Variants in ADCY9 observed in about 807,000 individuals in gnomAD.
ADCY9 encodes the protein adenylate cyclase 9.
In ADCY9, 50 loss-of-function variants were observed where a neutral mutation model predicts 101.5. That is an observed-to-expected ratio of 0.49 (90% CI 0.39 to 0.62). ADCY9 has a LOEUF of 0.62. Ranked by LOEUF, ADCY9 falls within the 20% of genes least tolerant of loss-of-function variation. The probability of loss-of-function intolerance (pLI) is 0.00; values close to 1 mark genes in which losing one functional copy is unlikely to be tolerated. For synonymous variants in ADCY9, 905 were observed against 769.3 expected, an observed-to-expected ratio of 1.18 and a Z score of -2.92; for missense variants, 1,662 against 1,800.4, an observed-to-expected ratio of 0.92 and a Z score of 1.39.
chr16:3,986,500 A>G (rs2056194410), intron 6 of ADCY9, among the ~76,000 whole-genome samples: 1 of 151,766 alleles, frequency 6.6e-6, no homozygotes, highest in African/African-American at 2.4e-5. Flanking sequence ...CCCAGGCCGG[A>G]GTGCAATAGT....
chr16:4,111,088 C>T (rs997746300), intron 2 of ADCY9, among the ~76,000 whole-genome samples: 4 of 152,182 alleles, frequency 2.6e-5, no homozygotes. Flanking sequence ...ATGAAACTAC[C>T]CTTCTGCAAA....
chr16:3,981,880 G>C (rs569390067), intron 7 of ADCY9: 2 of 152,296 alleles, frequency 1.3e-5, no homozygotes, highest in African/African-American at 4.8e-5. Context: ...TGGGATTACA[G>C]GCATGAGCCA....
In ADCY9 at chr16:3,988,980, A is replaced by G. The variant is rs938382609; in HGVS notation, c.2310+14T>C. On this transcript the variant is annotated intron_variant, in intron 6 of 10. Transcript: ENST00000294016. ...CACATTCTTTAGTAAAAGCGCAAGG[A>G]GAAATGAACGCACCTCTTCCTGATA... 8.2e-6 allele frequency: 13 copies of G among 1,593,276 alleles called. No homozygotes were observed. In the African/African-American group the frequency reaches 1.7e-4, roughly 21 times the overall value.
At chr16:4,077,270 C>T (rs1200287380) in intron 2 of ADCY9, among the ~76,000 whole-genome samples, 7 of 151,694 alleles carry the variant, frequency 4.6e-5, no homozygotes, top group Non-Finnish European at 1.0e-4. Context: ...ACAGCCTTGT[C>T]CCCCCCCGAG....
chr16:3,979,346 A>G (rs970730664), intron 7 of ADCY9, 71 bp from the exon 8 acceptor site: 4 of 1,563,740 alleles, frequency 2.6e-6, no homozygotes, highest in Non-Finnish European at 3.5e-6. Flanking sequence ...GACAGGTGCG[A>G]GGCCGCAGCC....
At chr16:3,961,601 C>T (rs1459085623), downstream of ADCY9, among the ~76,000 whole-genome samples, 8 of 152,156 alleles carry the variant, frequency 5.3e-5, no homozygotes, top group East Asian at 3.8e-4. Context: ...TCATTGGCCC[C>T]GGGCTCCAGC....
chr16:3,975,737 C>A (rs925414813), intron 9 of ADCY9, among the ~76,000 whole-genome samples: 1 of 152,120 alleles, frequency 6.6e-6, no homozygotes, highest in African/African-American at 2.4e-5. Context: ...TGTAAACAGG[C>A]GGTTCTTCAA....
At chr16:4,039,847 T>C (rs1363668470) in intron 2 of ADCY9, among the ~76,000 whole-genome samples, 5 of 152,090 alleles carry the variant, frequency 3.3e-5, no homozygotes, top group African/African-American at 1.2e-4. Flanking sequence ...AAGACCAGCC[T>C]GGGTAACATA....
chr16:3,971,486 G>A (rs1476034110), intron 10 of ADCY9, among the ~76,000 whole-genome samples: 1 of 152,176 alleles, frequency 6.6e-6, no homozygotes, highest in African/African-American at 2.4e-5. Flanking sequence ...GACACCCTGT[G>A]CTTCACTGAC....
chr16:4,114,490 A>G lies in ADCY9; in HGVS notation c.953T>C (p.Met318Thr). Reference sequence around the variant, plus strand: ...TTCCACTTCCAGGTCCTTCCCGTGCATAATGGATTGCCCCACCTTGAGGAA... The same window carrying G: ...TTCCACTTCCAGGTCCTTCCCGTGCGTAATGGATTGCCCCACCTTGAGGAA... ...STFLKVGQSI[M>T]HGKDLEVEKA... is the part of the protein sequence containing the mutation. The change falls in exon 2 of 11, where the codon ATG (methionine) becomes ACG (threonine). Residue 318 changes from methionine to threonine, a missense_variant. Coordinates refer to ENST00000294016, the MANE Select transcript of ADCY9 (RefSeq NM_001116.4). This position sits in a 1 kb window ranked among gnomAD's most constrained non-coding sequence, Gnocchi z 4.3. 2 of 1,614,170 alleles carry G rather than the reference A, an allele frequency of 1.2e-6. No individual in the cohort carries two copies. Among genetic ancestry groups the G allele is most frequent in the Non-Finnish European group, 1.7e-6 (2 of 1,180,038 alleles).
intron 7 of ADCY9, 46 bp from the exon 8 acceptor site, chr16:3,979,321 G>C (rs1260738653): frequency 6.2e-7 from 1 of 1,604,198 alleles, no homozygotes; most frequent in Non-Finnish European, 8.5e-7. Flanking sequence ...GCCCGGGGTG[G>C]GTCATCGGCC....
At chr16:4,032,855 C>T (rs1264513680) in intron 2 of ADCY9, 1 of 152,174 alleles carries the variant, frequency 6.6e-6, no homozygotes, top group African/African-American at 2.4e-5. Flanking sequence ...GAAAAACAGA[C>T]TGAGCAAACA....
At position 4,114,883 on chromosome 16, in the gene ADCY9, G is replaced by A. The variant is rs2057138402; in HGVS notation, c.560C>T (p.Thr187Ile). The A allele has an allele frequency of 1.9e-6, 3 of 1,613,792 alleles. No homozygotes were observed. The highest frequency in any genetic ancestry group is 2.5e-6 in the Non-Finnish European group (3 of 1,180,036). ...CAAGACCTGGAACTGCGCAGCCAGGGTCAGGGCGAACACCAGCAGGGTGAG... is the reference window on the plus strand; with the variant it reads ...CAAGACCTGGAACTGCGCAGCCAGGATCAGGGCGAACACCAGCAGGGTGAG... ...LALTLLVFAL[T>I]LAAQFQVLTP... Residue 187 changes from threonine to isoleucine, a missense_variant, in exon 2 of 11, where the codon ACC becomes ATC. Physicochemically the swap from Thr to Ile is moderately conservative, Grantham distance 89 (BLOSUM62 -1). Coordinates refer to ENST00000294016, the MANE Select transcript of ADCY9 (RefSeq NM_001116.4). This position sits in a 1 kb window ranked among gnomAD's most constrained non-coding sequence, Gnocchi z 4.3.
chr16:4,002,036 C>G (rs2056334837), intron 3 of ADCY9, among the ~76,000 whole-genome samples: 1 of 152,088 alleles, frequency 6.6e-6, no homozygotes, highest in Admixed American at 6.6e-5. Context: ...GGTGTGACCA[C>G]CTCACCTGGC....
intron 2 of ADCY9, among the ~76,000 whole-genome samples, chr16:4,022,847 T>C (rs1268576582): frequency 6.6e-6 from 1 of 152,190 alleles, no homozygotes; most frequent in Non-Finnish European, 1.5e-5. Flanking sequence ...TTAACAACTT[T>C]TATCCTATTC....
Position 4,115,579 on chromosome 16 carries a change from G to A in ADCY9, c.-43-94C>T. On this transcript the variant is annotated intron_variant, in intron 1 of 10. Transcript: ENST00000294016. The surrounding 1 kb of genome is among the most constrained non-coding windows in gnomAD (Gnocchi z 6.2). ...GCTCCTGTCCTAAGGGGCGGCTCCAGCACGCGACCTGGACAGGCACCATCT... is the reference window on the plus strand; with the variant it reads ...GCTCCTGTCCTAAGGGGCGGCTCCAACACGCGACCTGGACAGGCACCATCT... 2.8e-6 allele frequency: 3 copies of A among 1,079,650 alleles called. No individual in the cohort carries two copies. The highest frequency in any genetic ancestry group is 3.9e-6 in the Non-Finnish European group (3 of 776,044). The allele number at this position is 1,079,650 out of a possible 1,614,324, so 66.9% of individuals were successfully genotyped here. A position where few individuals can be genotyped will look rare whatever the true frequency, so the allele number is the denominator to read the frequency against.
At chr16:4,088,106 T>C (rs1209128146) in intron 2 of ADCY9, among the ~76,000 whole-genome samples, 2 of 151,726 alleles carry the variant, frequency 1.3e-5, no homozygotes, top group African/African-American at 2.4e-5. Flanking sequence ...ACAGATACCT[T>C]GATCTCATGG....
At chr16:4,081,871 A>C in intron 2 of ADCY9, among the ~76,000 whole-genome samples, 1 of 49,990 alleles carries the variant, frequency 2.0e-5, no homozygotes. Context: ...AGAGCAAGAA[A>C]GGGGGCGGCG....
intron 2 of ADCY9, among the ~76,000 whole-genome samples, chr16:4,108,390 T>TA (rs1491411801): frequency 1.5e-4 from 18 of 123,744 alleles, no homozygotes; most frequent in African/African-American, 5.4e-4. Context: ...TTTTTTTTTT[T>TA]GGCGACAAAG....
Sources: allele counts gnomAD v4.1 joint callset (sites outside exome capture counted in the v4.1 genomes callset), GRCh38; gene constraint gnomAD v4.1.1; non-coding constraint Gnocchi (gnomAD v3.1); transcripts MANE v1.5; gene names NCBI Gene and HGNC (gene_info 2026-07-23, HGNC 2026-07-21).